GPR161: variants seen among roughly 807,000 people sequenced by gnomAD.
GPR161 encodes the protein G protein-coupled receptor 161, also known as G-protein coupled receptor RE2.
A neutral mutation model predicts 39.2 loss-of-function variants in GPR161; 25 were observed. The ratio of observed to expected loss-of-function variants is 0.64; its 90% CI spans 0.47 to 0.89. GPR161 has a LOEUF of 0.89. Among genes scored for constraint, GPR161 ranks in the 40% least tolerant of loss-of-function variants. The pLI is 0.00. For missense variants in GPR161, 547 were observed against 677.8 expected (o/e 0.81, Z 2.14); for synonymous variants, 286 against 276.6 (o/e 1.03, Z -0.34).
In GPR161 at chr1:168,136,871, G is replaced by A. The variant is rs946909456; in HGVS notation, c.-177C>T. ...TTCGGGTTTCAGCCCACCGAGCCCCGCTTCGCTCCTCCCGCGGGCCAGCCA... is the reference window on the plus strand; with the variant it reads ...TTCGGGTTTCAGCCCACCGAGCCCCACTTCGCTCCTCCCGCGGGCCAGCCA... On this transcript the variant is annotated 5_prime_UTR_variant, in exon 1 of 6. Transcript: ENST00000682931. The A allele has an allele frequency of 4.1e-6, 4 of 980,928 alleles. No homozygotes were observed. Among genetic ancestry groups the A allele is most frequent in the East Asian group, 1.2e-4 (1 of 8,652 alleles). 60.8% of individuals were successfully genotyped at this position (980,928 alleles called of 1,614,324 possible).
At chr1:168,106,691 C>T (rs1696656052) in intron 1 of GPR161, among the ~76,000 whole-genome samples, 1 of 152,186 alleles carries the variant, frequency 6.6e-6, no homozygotes, top group Non-Finnish European at 1.5e-5. Flanking sequence ...GACAGATGTC[C>T]CTAATCTTGA....
chr1:168,114,828 CT>C (rs1344775487), intron 1 of GPR161, among the ~76,000 whole-genome samples: 1 of 152,140 alleles, frequency 6.6e-6, no homozygotes, highest in Admixed American at 6.5e-5. Context: ...GGAAATGACC[CT>C]TCATTTATTT....
At chr1:168,116,746 G>A (rs1297262779) in intron 1 of GPR161, among the ~76,000 whole-genome samples, 1 of 152,202 alleles carries the variant, frequency 6.6e-6, no homozygotes, top group African/African-American at 2.4e-5. Flanking sequence ...AACCCCAGGG[G>A]CGTGTACCCA....
chr1:168,092,713 C>A (rs1695181538), intron 3 of GPR161, among the ~76,000 whole-genome samples: 1 of 152,146 alleles, frequency 6.6e-6, no homozygotes, highest in Admixed American at 6.5e-5. Flanking sequence ...CCTCTAGATG[C>A]CCCCAAGCAA....
At chr1:168,137,381 G>A (rs1699467146), upstream of GPR161, 1 of 1,535,934 alleles carries the variant, frequency 6.5e-7, no homozygotes, top group Non-Finnish European at 8.7e-7. Context: ...TATCGCCTTT[G>A]CTGCTCACCT....
chr1:168,137,353 C>T (rs1417451921), upstream of GPR161: 3 of 1,535,910 alleles, frequency 2.0e-6, no homozygotes, highest in Admixed American at 2.0e-5. Context: ...CCTCCAGTCC[C>T]GCCGTGGACG....
At chr1:168,126,091 A>T (rs1014865759) in intron 1 of GPR161, among the ~76,000 whole-genome samples, 2 of 152,232 alleles carry the variant, frequency 1.3e-5, no homozygotes, top group Non-Finnish European at 2.9e-5. Context: ...AAACGTCTAT[A>T]GATGCTATTG....
At chr1:168,134,368 C>T (rs1699208751) in intron 1 of GPR161, among the ~76,000 whole-genome samples, 2 of 152,152 alleles carry the variant, frequency 1.3e-5, no homozygotes, top group Admixed American at 6.5e-5. Flanking sequence ...AGTTGTAAGC[C>T]TTTTCTCTTG....
chr1:168,099,798 C>T (rs745656959), intron 2 of GPR161, among the ~76,000 whole-genome samples: 5 of 144,252 alleles, frequency 3.5e-5, no homozygotes, highest in Non-Finnish European at 7.4e-5. Flanking sequence ...TGTACAGCCA[C>T]GTCCTCCAGG....
At chr1:168,117,358 T>C (rs998518295) in intron 1 of GPR161, among the ~76,000 whole-genome samples, 2 of 152,212 alleles carry the variant, frequency 1.3e-5, no homozygotes, top group Non-Finnish European at 2.9e-5. Flanking sequence ...GAATAACTTT[T>C]ACAGGTAGGG....
At position 168,099,836 on chromosome 1, in the gene GPR161, T is replaced by G. The variant is rs867008851; in HGVS notation, c.375-2604A>C. On this transcript the variant is annotated intron_variant, in intron 2 of 5. Coordinates refer to ENST00000682931, the MANE Select transcript of GPR161 (RefSeq NM_001375883.1). Reference sequence around the variant, plus strand: ...TTATTTTGTTTTTAAGTTTTTTTTTTGGGGGGGGGGGGTTGGTGTGGATAA... The same window carrying G: ...TTATTTTGTTTTTAAGTTTTTTTTTGGGGGGGGGGGGGTTGGTGTGGATAA... Among the ~76,000 whole-genome samples, 500 of 95,852 alleles carry G rather than the reference T, an allele frequency of 5.2e-3. 1 individual carries two copies. The highest frequency in any genetic ancestry group is 0.011 in the South Asian group (30 of 2,620). 62.9% of individuals were successfully genotyped at this position (95,852 alleles called of 152,430 possible).
chr1:168,135,397 A>G (rs1699282458), intron 1 of GPR161, among the ~76,000 whole-genome samples: 1 of 152,236 alleles, frequency 6.6e-6, no homozygotes, highest in South Asian at 2.1e-4. Flanking sequence ...CAAGTATAAA[A>G]TAAGACGGGT....
Position 168,080,108 on chromosome 1 carries a change from T to G in GPR161, c.*5423A>C, listed in dbSNP as rs1397572138. The G allele has an allele frequency of 6.6e-6, 1 of 152,208 alleles. No homozygotes were observed. Among genetic ancestry groups the G allele is most frequent in the Non-Finnish European group, 1.5e-5 (1 of 68,028 alleles). 9.4% of individuals were successfully genotyped at this position (152,208 alleles called of 1,614,324 possible). A position where few individuals can be genotyped will look rare whatever the true frequency, so the allele number is the denominator to read the frequency against. On this transcript the variant is annotated 3_prime_UTR_variant, in exon 6 of 6. Coordinates refer to ENST00000682931, the MANE Select transcript of GPR161 (RefSeq NM_001375883.1). ...AATCTTCAAGGTATTGGAAATACTT[T>G]GGAATCCAAAGTATTTGTTAGATAC...
intron 5 of GPR161, among the ~76,000 whole-genome samples, chr1:168,086,773 A>G (rs1469012052): frequency 1.3e-5 from 2 of 152,338 alleles, no homozygotes; most frequent in East Asian, 3.9e-4. Flanking sequence ...CTGCTTTGCC[A>G]GTGAAGCGAA....
chr1:168,099,757 CAGAA>C (rs1436184359), intron 2 of GPR161, among the ~76,000 whole-genome samples: 1 of 149,568 alleles, frequency 6.7e-6, no homozygotes, highest in Non-Finnish European at 1.5e-5. Context: ...CTCCTACAGG[CAGAA>C]AAGCCCCACA....
intron 2 of GPR161, among the ~76,000 whole-genome samples, chr1:168,099,844 G>GC (rs1695927315): frequency 1.4e-5 from 2 of 145,968 alleles, no homozygotes; most frequent in African/African-American, 5.0e-5. Flanking sequence ...TTTGGGGGGG[G>GC]GGGGTTGGTG....
At chr1:168,107,820 C>G (rs1696744549) in intron 1 of GPR161, among the ~76,000 whole-genome samples, 1 of 152,128 alleles carries the variant, frequency 6.6e-6, no homozygotes, top group African/African-American at 2.4e-5. Context: ...CCAGGAAATT[C>G]CAAAGGTTGG....
Position 168,104,865 on chromosome 1 carries a change from G to C in GPR161, c.-15C>G. On this transcript the variant is annotated 5_prime_UTR_variant, in exon 2 of 6. Coordinates refer to ENST00000682931, the MANE Select transcript of GPR161 (RefSeq NM_001375883.1). ...TTGAGGCTCATGGTCAGTGCACCTC[G>C]GCGTGGGGTGGGCAGAGCATGCTGG... 1.9e-6 allele frequency: 3 copies of C among 1,611,454 alleles called. No homozygotes were observed. Among genetic ancestry groups the C allele is most frequent in the Non-Finnish European group, 2.5e-6 (3 of 1,177,920 alleles).
At chr1:168,093,128 C>G (rs1695224712) in intron 3 of GPR161, among the ~76,000 whole-genome samples, 1 of 152,192 alleles carries the variant, frequency 6.6e-6, no homozygotes, top group South Asian at 2.1e-4. Context: ...GCTTTACCAT[C>G]CTAAGACCAC....
Sources: gnomAD v4.1 joint callset for allele counts (sites outside exome capture counted in the v4.1 genomes callset) on GRCh38, gnomAD v4.1.1 for gene constraint, MANE v1.5 for transcripts, NCBI Gene and HGNC (gene_info 2026-07-23, HGNC 2026-07-21) for gene names.